The following CFAP126 variants were observed in gnomAD, a reference collection of about 807,000 sequenced individuals.
The protein encoded by CFAP126 is protein Flattop.
In CFAP126, 21 loss-of-function variants were observed where a neutral mutation model predicts 17.1. The ratio of observed to expected loss-of-function variants is 1.23; its 90% confidence interval spans 0.87 to 1.77. The LOEUF is 1.77. Among genes scored for constraint, CFAP126 ranks in the 40% most tolerant of loss-of-function variants. The pLI is 0.00. For synonymous variants in CFAP126, 65 were observed against 73.5 expected, an observed-to-expected ratio of 0.88 and a Z score of 0.59; for missense variants, 174 against 215.4, an observed-to-expected ratio of 0.81 and a Z score of 1.20.
chr1:161,366,325 A>G, intron 2 of CFAP126, 47 bp from the exon 3 acceptor site: 1 of 1,580,424 alleles, frequency 6.3e-7, no homozygotes, highest in Non-Finnish European at 8.7e-7. Context: ...GGAAAAAGGG[A>G]AGTATTTGGG....
chr1:161,366,681 G>A (rs890826279), intron 1 of CFAP126, 180 bp from the exon 2 acceptor site: 5 of 620,120 alleles, frequency 8.1e-6, no homozygotes, highest in African/African-American at 1.8e-5. Flanking sequence ...GCATGGAGCC[G>A]GGAGCCACAT....
intron 1 of CFAP126, 85 bp downstream of exon 1, chr1:161,367,757 T>C: frequency 7.9e-7 from 1 of 1,268,214 alleles, no homozygotes; most frequent in Non-Finnish European, 1.2e-6. Flanking sequence ...TGTTCAAAGA[T>C]CAGAATCCTA....
chr1:161,365,377 T>G, intron 4 of CFAP126, 149 bp downstream of exon 4: 1 of 1,014,310 alleles, frequency 9.9e-7, no homozygotes, highest in Non-Finnish European at 1.5e-6. Context: ...CCTTCAGGCC[T>G]CAGAAGGTGA....
At chr1:161,365,495 G>A (rs761760399) in intron 4 of CFAP126, 31 bp downstream of exon 4, 13 of 1,609,554 alleles carry the variant, frequency 8.1e-6, no homozygotes, top group Non-Finnish European at 1.1e-5. Flanking sequence ...TGAGACTACA[G>A]GGTTTTGGGT....
rs1051779187 is a variant in CFAP126 at position 161,365,063 on chromosome 1, T to C, written c.436A>G (p.Ser146Gly). Residue 146 changes from serine (S) to glycine (G), a missense_variant, in exon 5 of 5, where the codon AGC becomes GGC. Transcript: ENST00000367974. The part of the protein sequence containing the change: ...QQARSPTIIP[S>G]SPAANLNSPD... ...GAATTGAGGTTGGCAGCTGGGGAGC[T>C]TGGAATTATGGTTGGACTTCGTGCT... The C allele has an allele frequency of 2.5e-6, 4 of 1,614,122 alleles. No homozygotes were observed. The highest frequency in any genetic ancestry group is 3.4e-6 in the Non-Finnish European group (4 of 1,180,000).
chr1:161,365,398 G>A, intron 4 of CFAP126, 128 bp downstream of exon 4: 1 of 1,165,340 alleles, frequency 8.6e-7, no homozygotes, highest in East Asian at 2.3e-5. Flanking sequence ...TTAAGGACTA[G>A]TCAAGATAAG....
At chr1:161,366,716 G>T in intron 1 of CFAP126, 1 of 563,516 alleles carries the variant, frequency 1.8e-6, no homozygotes, top group Non-Finnish European at 3.1e-6. Context: ...CCTGAAATAT[G>T]ACTAGTTCAA....
chr1:161,367,684 C>T (rs188807493), intron 1 of CFAP126, 158 bp downstream of exon 1: 135 of 594,144 alleles, frequency 2.3e-4, no homozygotes, highest in Non-Finnish European at 3.2e-4. Context: ...ACCTTTGGAT[C>T]GCCCCTGGGC....
chr1:161,367,484 G>A (rs1220244729), intron 1 of CFAP126: 1 of 215,432 alleles, frequency 4.6e-6, no homozygotes, highest in Non-Finnish European at 9.1e-6. Context: ...ACAAAAAATT[G>A]TACTCAGTTA....
intron 1 of CFAP126, 100 bp from the exon 2 acceptor site, chr1:161,366,601 G>A: frequency 2.9e-6 from 3 of 1,050,368 alleles, no homozygotes; most frequent in Non-Finnish European, 4.5e-6. Context: ...CCAAAGGCCT[G>A]ACCAACCATG....
chr1:161,364,793 C>T lies in CFAP126; in HGVS notation c.*172G>A. ...TGCTTTTACTCCCACCCCAAAATTT[C>T]CCTGTTTCACAGTTCTGACTGGGGG... On this transcript the variant is annotated 3_prime_UTR_variant, in exon 5 of 5. Transcript: ENST00000367974. The T allele has an allele frequency of 1.7e-6, 1 of 600,932 alleles. No individual in the cohort carries two copies. Among genetic ancestry groups the T allele is most frequent in the South Asian group, 3.6e-5 (1 of 27,940 alleles). 37.2% of individuals were successfully genotyped at this position (600,932 alleles called of 1,614,324 possible).
intron 2 of CFAP126, 69 bp from the exon 3 acceptor site, chr1:161,366,347 G>A (rs1672729926): frequency 3.2e-6 from 5 of 1,571,910 alleles, no homozygotes; most frequent in Non-Finnish European, 3.5e-6. Context: ...AGCTTGGTCA[G>A]AGAAGGATAT....
rs749858053 is a variant in CFAP126, at chr1:161,365,622, A to G, written c.252T>C (p.Arg84=). 3 of 1,614,156 alleles carry G rather than the reference A, an allele frequency of 1.9e-6. No homozygotes were observed. Among genetic ancestry groups the G allele is most frequent in the Non-Finnish European group, 2.5e-6 (3 of 1,180,006 alleles). The part of the protein sequence containing the change: ...IPPARVTLTS[R]TTAGAASLTK... ...TGAGGGAGGCAGCACCAGCAGTTGT[A>G]CGGGAGGTCAGGGTCACCCGAGCAG... Residue 84 remains arginine (R), a synonymous_variant, in exon 4 of 5, where the codon CGT becomes CGC. Coordinates refer to ENST00000367974, the MANE Select transcript of CFAP126 (RefSeq NM_001013625.4).
chr1:161,366,455 G>A lies in CFAP126; in HGVS notation c.74C>T (p.Thr25Ile). Reference protein sequence around the residue: ...SSKYLQNWSPTKPTKESISSH... With the variant: ...SSKYLQNWSPIKPTKESISSH... ...ATGGAATACCTCTTTTGTTGGCTTA[G>A]TGGGAGACCAGTTCTGCAGATACTT... Residue 25 changes from threonine to isoleucine, a missense_variant, in exon 2 of 5, where the codon ACT becomes ATT. Transcript: ENST00000367974. 1 of 1,614,058 alleles carries A rather than the reference G, an allele frequency of 6.2e-7. No homozygotes were observed. Among genetic ancestry groups the A allele is most frequent in the Non-Finnish European group, 8.5e-7 (1 of 1,179,922 alleles).
chr1:161,365,121 G>C lies in CFAP126; in HGVS notation c.378C>G (p.Leu126=). 1 of 1,614,126 alleles carries C rather than the reference G, an allele frequency of 6.2e-7. No homozygotes were observed. The highest frequency in any genetic ancestry group is 1.3e-5 in the African/African-American group (1 of 75,026). ...KPHDPDSQKK[L]RKKSITKTVQ... is the part of the protein sequence containing the mutation. ...CAGTCTTTGTGATAGACTTCTTTCTGAGTTTCTTCTGACTGTCTGGATCAT... is the reference window on the plus strand; with the variant it reads ...CAGTCTTTGTGATAGACTTCTTTCTCAGTTTCTTCTGACTGTCTGGATCAT... Residue 126 remains leucine, a synonymous_variant, in exon 5 of 5, where the codon CTC becomes CTG. Transcript: ENST00000367974.
Position 161,365,568 on chromosome 1 carries a change from T to C in CFAP126, c.306A>G (p.Leu102=), listed in dbSNP as rs780757359. 9 of 1,614,062 alleles carry C rather than the reference T, an allele frequency of 5.6e-6. No individual in the cohort carries two copies. The highest frequency in any genetic ancestry group is 5.9e-6 in the Non-Finnish European group (7 of 1,180,036). The change falls in exon 4 of 5, where the codon TTA becomes TTG. Residue 102 remains leucine, a synonymous_variant. Coordinates refer to ENST00000367974, the MANE Select transcript of CFAP126 (RefSeq NM_001013625.4). The stretch of plus-strand genomic sequence containing the variant: ...GACACAGCCCATTGGAGGCCTTGAG[T>C]AAATCAGGATTTTTCTGTATCCATT... The part of the protein sequence containing the change: ...LTKWIQKNPD[L]LKASNGLCPE...
At chr1:161,365,302 C>T (rs1672689502) in intron 4 of CFAP126, 152 bp from the exon 5 acceptor site, 1 of 914,722 alleles carries the variant, frequency 1.1e-6, no homozygotes, top group Non-Finnish European at 1.7e-6. Flanking sequence ...TTTCTCTAAC[C>T]ACCCTCCCCC....
chr1:161,365,028 T>C lies in CFAP126; in HGVS notation c.471A>G (p.Glu157=). Residue 157 remains glutamate (E), a synonymous_variant, in exon 5 of 5, where the codon GAA becomes GAG. Coordinates refer to ENST00000367974, the MANE Select transcript of CFAP126 (RefSeq NM_001013625.4). ...CTGCAGAGGGGTGTGAGCTTTGGAG[T>C]TCATCTGGGGAATTGAGGTTGGCAG... ...SPAANLNSPD[E]LQSSHPSAGH... The C allele has an allele frequency of 6.2e-7, 1 of 1,614,060 alleles. No homozygotes were observed. The highest frequency in any genetic ancestry group is 8.5e-7 in the Non-Finnish European group (1 of 1,179,996).
In CFAP126 at chr1:161,366,220, A is replaced by T. The variant is rs1672724478; in HGVS notation, c.149T>A (p.Leu50Gln). Reference sequence around the variant, plus strand: ...CACCTTGGAACGGGGCACAGAAGGCAGTAGATGACCACGATCGTTGGCAAT... The same window carrying T: ...CACCTTGGAACGGGGCACAGAAGGCTGTAGATGACCACGATCGTTGGCAAT... ...QIIANDRGHLLPSVPRSKANP... is the reference protein window; with the variant it reads ...QIIANDRGHLQPSVPRSKANP... The change falls in exon 3 of 5, where the codon CTG becomes CAG. Residue 50 changes from leucine (L) to glutamine (Q), a missense_variant. Coordinates refer to ENST00000367974, the MANE Select transcript of CFAP126 (RefSeq NM_001013625.4). 1 of 1,613,348 alleles carries T rather than the reference A, an allele frequency of 6.2e-7. No individual in the cohort carries two copies. Among genetic ancestry groups the T allele is most frequent in the Non-Finnish European group, 8.5e-7 (1 of 1,179,266 alleles).
Sources: gnomAD v4.1 joint callset for allele counts on GRCh38, gnomAD v4.1.1 for gene constraint, MANE v1.5 for transcripts, NCBI Gene and HGNC (gene_info 2026-07-23, HGNC 2026-07-21) for gene names.